Variants in CES5A observed in about 807,000 individuals in gnomAD.
The protein encoded by CES5A is carboxylesterase 5.
CES5A carries 67 observed loss-of-function variants against 62.9 expected under a neutral mutation model. The observed-to-expected ratio is 1.07, with a 90% CI of 0.88 to 1.31. The LOEUF (loss-of-function observed/expected upper bound fraction) is 1.31. CES5A is among the 50% of genes most tolerant of loss of function. The probability of loss-of-function intolerance (pLI) is 0.00; values close to 1 mark genes in which losing one functional copy is unlikely to be tolerated. For synonymous variants in CES5A, 296 were observed against 280.8 expected (o/e 1.05, Z -0.54); for missense variants, 748 against 708.5 (o/e 1.06, Z -0.63).
chr16:55,922,789 G>A (rs1423080737), intron 1 of CES5A, among the ~76,000 whole-genome samples: 1 of 151,858 alleles, frequency 6.6e-6, no homozygotes, highest in Non-Finnish European at 1.5e-5. Flanking sequence ...TATATATCAG[G>A]TGATAAAACA....
At chr16:55,872,646 G>A (rs1323195494) in intron 2 of CES5A, among the ~76,000 whole-genome samples, 1 of 152,144 alleles carries the variant, frequency 6.6e-6, no homozygotes, top group Non-Finnish European at 1.5e-5. Flanking sequence ...CAATATTGCT[G>A]CACGTCTTCT....
chr16:55,854,544 C>CTTTTTTTTTTTTTTTTTT lies in CES5A; in HGVS notation c.1126-1517_1126-1516insAAAAAAAAAAAAAAAAAA, dbSNP rs56017491. ...CCTGTAGTGTTTCTTTTTTTTTTTT[C>CTTTTTTTTTTTTTTTTTT]TTTTTTTTTTTTTGAGACAGAGTCT... On this transcript the variant is annotated intron_variant, in intron 9 of 12. Coordinates refer to ENST00000290567, the MANE Select transcript of CES5A (RefSeq NM_001143685.2). Among the ~76,000 whole-genome samples, 135 of 64,392 alleles carry CTTTTTTTTTTTTTTTTTT rather than the reference C, an allele frequency of 2.1e-3. 29 individuals carry two copies. Among genetic ancestry groups the CTTTTTTTTTTTTTTTTTT allele is most frequent in the African/African-American group, 8.8e-3 (126 of 14,304 alleles). The allele number at this position is 64,392 out of a possible 152,430, so 42.2% of individuals were successfully genotyped here. A position where few individuals can be genotyped will look rare whatever the true frequency, so the allele number is the denominator to read the frequency against.
At chr16:55,950,722 A>G (rs965750327) in intron 1 of CES5A, among the ~76,000 whole-genome samples, 37 of 152,136 alleles carry the variant, frequency 2.4e-4, no homozygotes, top group African/African-American at 7.7e-4. Flanking sequence ...AAAAACCCAA[A>G]AAACGATGGA....
chr16:55,882,514 C>G (rs2033772527), intron 1 of CES5A, among the ~76,000 whole-genome samples: 1 of 152,204 alleles, frequency 6.6e-6, no homozygotes, highest in Admixed American at 6.5e-5. Context: ...CAAATCATAT[C>G]ACCTAGGCAA....
chr16:55,936,448 T>C (rs2034376287), intron 2 of CES5A, among the ~76,000 whole-genome samples: 1 of 152,192 alleles, frequency 6.6e-6, no homozygotes, highest in South Asian at 2.1e-4. Flanking sequence ...TGATGCTCTT[T>C]ATATCAAAGC....
chr16:55,849,350 T>TAAA lies in CES5A; in HGVS notation c.1423+271_1423+273dup, dbSNP rs57836141. Among the ~76,000 whole-genome samples, 27 of 149,340 alleles carry TAAA rather than the reference T, an allele frequency of 1.8e-4. 1 individual carries two copies. In the South Asian group the frequency reaches 3.9e-3, roughly 21 times the overall value. Reference sequence around the variant, plus strand: ...AAGGAAGAAAATGGTTCTAGTATATTAAAAAAAAAAATATTTAGATTGCTT... The same window carrying TAAA: ...AAGGAAGAAAATGGTTCTAGTATATTAAAAAAAAAAAAAATATTTAGATTGCTT... On this transcript the variant is annotated intron_variant, in intron 11 of 12. Transcript: ENST00000290567.
chr16:55,867,319 C>T (rs2033484922), intron 4 of CES5A, among the ~76,000 whole-genome samples: 1 of 152,214 alleles, frequency 6.6e-6, no homozygotes, highest in African/African-American at 2.4e-5. Flanking sequence ...GGATCCCACA[C>T]CCCCATGCTG....
At chr16:55,887,440 T>A (rs2142429866) in intron 1 of CES5A, among the ~76,000 whole-genome samples, 1 of 151,586 alleles carries the variant, frequency 6.6e-6, no homozygotes, top group East Asian at 1.9e-4. Flanking sequence ...GGGCTGCTGC[T>A]ATATATAAGG....
rs1394324990 is a variant in CES5A at position 55,852,813 on chromosome 16, A to C, written c.1273+68T>G. On this transcript the variant is annotated intron_variant, in intron 10 of 12. Transcript: ENST00000290567. ...CAGAGAAGGCAGCCGCTCAGTAGACAATATGGATTTCCGTGGCCACCAGCC... is the reference window on the plus strand; with the variant it reads ...CAGAGAAGGCAGCCGCTCAGTAGACCATATGGATTTCCGTGGCCACCAGCC... The C allele has an allele frequency of 6.5e-6, 10 of 1,545,042 alleles. No homozygotes were observed. In the Admixed American group the frequency reaches 1.4e-4, roughly 22 times the overall value.
chr16:55,947,964 G>A (rs1445381684), intron 2 of CES5A, among the ~76,000 whole-genome samples: 1 of 151,992 alleles, frequency 6.6e-6, no homozygotes, highest in Non-Finnish European at 1.5e-5. Context: ...AATGGACTTT[G>A]GTTTTAAAAG....
At chr16:55,949,803 A>G (rs899793723) in exon 2 of CES5A, 140 of 1,490,128 alleles carry the variant, frequency 9.4e-5, no homozygotes, top group Non-Finnish European at 1.2e-4. Context: ...TTGGAAGTGT[A>G]GTTTAAGACA....
chr16:55,923,010 A>G (rs1248996831), intron 1 of CES5A, among the ~76,000 whole-genome samples: 1 of 151,896 alleles, frequency 6.6e-6, no homozygotes, highest in Non-Finnish European at 1.5e-5. Flanking sequence ...AAAATACAAC[A>G]TAACTATATA....
intron 1 of CES5A, among the ~76,000 whole-genome samples, chr16:55,951,002 T>C (rs1468733819): frequency 6.8e-6 from 1 of 146,922 alleles, no homozygotes; most frequent in East Asian, 2.0e-4. Flanking sequence ...CTCAGGAGGC[T>C]GAGGCAGGAG....
Position 55,871,681 on chromosome 16 carries a change from A to G in CES5A, c.361T>C (p.Cys121Arg), listed in dbSNP as rs766954207. ...HYPKFGVSEDCLYLNIYAPAH... is the reference protein window; with the variant it reads ...HYPKFGVSEDRLYLNIYAPAH... ...GGCGCATAGATGTTCAGGTAGAGGC[A>G]GTCTTCTGACACTCCGAATTTCGGG... The change falls in exon 3 of 13, where the codon TGC (cysteine) becomes CGC (arginine). Residue 121 changes from cysteine (C) to arginine (R), a missense_variant. Coordinates refer to ENST00000290567, the MANE Select transcript of CES5A (RefSeq NM_001143685.2). 32 of 1,614,052 alleles carry G rather than the reference A, an allele frequency of 2.0e-5. No individual in the cohort carries two copies. The highest frequency in any genetic ancestry group is 2.6e-5 in the Non-Finnish European group (31 of 1,180,026).
chr16:55,915,145 C>G (rs963058818), intron 1 of CES5A, among the ~76,000 whole-genome samples: 17 of 152,190 alleles, frequency 1.1e-4, no homozygotes, highest in African/African-American at 3.6e-4. Flanking sequence ...TAGCCACCCC[C>G]ACCCCCAAAC....
At chr16:55,955,812 C>T in intron 1 of CES5A, 1 of 1,534,822 alleles carries the variant, frequency 6.5e-7, no homozygotes, top group Admixed American at 2.0e-5. Flanking sequence ...GGGGTGGGGT[C>T]CAGGCAGTAG....
Position 55,956,012 on chromosome 16 carries a change from T to C in CES5A, c.-127A>G. On this transcript the variant is annotated 5_prime_UTR_variant, in exon 1 of 14. Coordinates refer to the CES5A transcript ENST00000521992. ...AGAAAAGTCAAATGAGTTCACCACT[T>C]TCCTCTACCGTTGCCAGCTGGCTGC... 4 of 1,016,458 alleles carry C rather than the reference T, an allele frequency of 3.9e-6. No homozygotes were observed. In the South Asian group the frequency reaches 6.3e-5, roughly 16 times the overall value. The allele number at this position is 1,016,458 out of a possible 1,614,324, so 63.0% of individuals were successfully genotyped here. A position where few individuals can be genotyped will look rare whatever the true frequency, so the allele number is the denominator to read the frequency against.
At chr16:55,888,338 C>T (rs184509310) in intron 1 of CES5A, among the ~76,000 whole-genome samples, 3 of 152,290 alleles carry the variant, frequency 2.0e-5, no homozygotes, top group Admixed American at 6.5e-5. Flanking sequence ...GGAAAGTCTA[C>T]CTGGCCCATG....
At chr16:55,872,763 T>C (rs2033617937) in intron 2 of CES5A, among the ~76,000 whole-genome samples, 2 of 151,996 alleles carry the variant, frequency 1.3e-5, no homozygotes, top group Non-Finnish European at 1.5e-5. Flanking sequence ...TCCAGGTGGG[T>C]CTTTGTTTCC....
Sources: allele counts gnomAD v4.1 joint callset (sites outside exome capture counted in the v4.1 genomes callset), GRCh38; gene constraint gnomAD v4.1.1; transcripts MANE v1.5; gene names NCBI Gene and HGNC (gene_info 2026-07-23, HGNC 2026-07-21).